The following RBPMS variants were observed in gnomAD, a reference collection of about 807,000 sequenced individuals.
The protein encoded by RBPMS is RNA-binding protein with multiple splicing.
In RBPMS, 7 loss-of-function variants were observed where a neutral mutation model predicts 26.8. The observed-to-expected ratio is 0.26, with a 90% confidence interval of 0.15 to 0.49. The LOEUF (loss-of-function observed/expected upper bound fraction) is 0.49, where lower values mean the gene tolerates loss of function less well. RBPMS is among the 20% of genes least tolerant of loss of function. The pLI, the probability that RBPMS is intolerant of heterozygous loss-of-function variation, is 0.98. For synonymous variants in RBPMS, 96 were observed against 93.3 expected, an observed-to-expected ratio of 1.03 and a Z score of -0.17; for missense variants, 186 against 250.0, an observed-to-expected ratio of 0.74 and a Z score of 1.73.
intron 5 of RBPMS, among the ~76,000 whole-genome samples, chr8:30,507,393 C>T (rs1344094821): frequency 6.6e-6 from 1 of 152,156 alleles, no homozygotes; most frequent in Non-Finnish European, 1.5e-5. Context: ...AAGTACTAGG[C>T]AAACGTAAAG....
chr8:30,448,196 AT>A (rs1420032917), intron 1 of RBPMS, among the ~76,000 whole-genome samples: 2 of 152,248 alleles, frequency 1.3e-5, no homozygotes, highest in African/African-American at 4.8e-5. Flanking sequence ...CTTTTAGAAT[AT>A]TAGAATTTAA....
intron 5 of RBPMS, among the ~76,000 whole-genome samples, chr8:30,527,827 T>G (rs1273037353): frequency 3.3e-5 from 5 of 152,210 alleles, no homozygotes; most frequent in Non-Finnish European, 7.3e-5. Flanking sequence ...GAGATTACAG[T>G]CAGCAGTCCC....
chr8:30,500,491 C>T (rs550896161), intron 4 of RBPMS, among the ~76,000 whole-genome samples: 4 of 152,160 alleles, frequency 2.6e-5, no homozygotes, highest in South Asian at 4.2e-4. Context: ...CTAACTTTAG[C>T]GCAGAACCAT....
intron 8 of RBPMS, 68 bp downstream of exon 8, chr8:30,566,428 T>A: frequency 2.4e-6 from 1 of 417,118 alleles, no homozygotes; most frequent in Non-Finnish European, 3.2e-6. Flanking sequence ...ACTGTGGGCC[T>A]CTGGGGGTGG....
chr8:30,518,711 T>TTTTTTTTTTTTTTC (rs1554533817), intron 5 of RBPMS, among the ~76,000 whole-genome samples: 5 of 136,636 alleles, frequency 3.7e-5, no homozygotes, highest in Non-Finnish European at 6.3e-5. Flanking sequence ...TTTTTTTTTT[T>TTTTTTTTTTTTTTC]TTTTCTGAAA....
intron 6 of RBPMS, chr8:30,549,441 T>C (rs1230973243): frequency 6.9e-7 from 1 of 1,446,784 alleles, no homozygotes; most frequent in Non-Finnish European, 9.7e-7. Context: ...TTCCATTGTT[T>C]TCAGACATAA....
chr8:30,416,193 G>A (rs185325726), intron 1 of RBPMS, among the ~76,000 whole-genome samples: 4 of 152,156 alleles, frequency 2.6e-5, no homozygotes, highest in African/African-American at 9.7e-5. Context: ...AGTAGAAAAG[G>A]CTGTCCATTA....
intron 4 of RBPMS, among the ~76,000 whole-genome samples, chr8:30,502,187 C>A (rs1585680805): frequency 1.6e-5 from 2 of 126,600 alleles, no homozygotes; most frequent in South Asian, 2.5e-4. Flanking sequence ...TGATTTGGAA[C>A]ATGATGTTGA....
At chr8:30,489,071 G>A (rs13250304) in intron 4 of RBPMS, among the ~76,000 whole-genome samples, 71,554 of 151,946 alleles carry the variant, frequency 0.47, 16,944 homozygotes, top group Middle Eastern at 0.58. Flanking sequence ...TGTTAAGACA[G>A]GGTCTTGTCC....
In RBPMS at chr8:30,504,294, C is replaced by T. The variant is rs1820866519; in HGVS notation, c.255C>T (p.Arg85=). 1.2e-6 allele frequency: 2 copies of T among 1,614,066 alleles called. No individual in the cohort carries two copies. Among genetic ancestry groups the T allele is most frequent in the South Asian group, 1.1e-5 (1 of 91,092 alleles). The change falls in exon 5 of 9, where the codon CGC becomes CGT. Residue 85 remains arginine, a synonymous_variant. Transcript: ENST00000397323. ...EAAKNALNGI[R]FDPEIPQTLR... is the part of the protein sequence containing the mutation. The stretch of plus-strand genomic sequence containing the variant: ...GTTCTCTGTTTCCAAAGGGCATCCG[C>T]TTCGATCCTGAAATTCCGCAAACAC...
chr8:30,542,942 T>G (rs542730785), intron 5 of RBPMS, among the ~76,000 whole-genome samples: 60 of 152,280 alleles, frequency 3.9e-4, no homozygotes, highest in African/African-American at 1.3e-3. Context: ...GACTCTGGTG[T>G]TGTTGCTTTC....
At chr8:30,539,707 T>A (rs1157512124) in intron 5 of RBPMS, among the ~76,000 whole-genome samples, 2 of 151,478 alleles carry the variant, frequency 1.3e-5, no homozygotes, top group Admixed American at 6.6e-5. Flanking sequence ...CTCACTGCAA[T>A]CTGCACCTCC....
chr8:30,556,100 G>C, intron 6 of RBPMS: 1 of 985,390 alleles, frequency 1.0e-6, no homozygotes, highest in African/African-American at 1.7e-5. Flanking sequence ...GATGCGGTGA[G>C]AAGAGCCCCC....
At chr8:30,449,241 T>A (rs4537262) in intron 1 of RBPMS, among the ~76,000 whole-genome samples, 121,843 of 152,214 alleles carry the variant, frequency 0.8, 49,182 homozygotes, top group African/African-American at 0.91. Flanking sequence ...TGTTTTTGTT[T>A]AAGTAGTAGG....
chr8:30,507,879 C>T (rs1336174881), intron 5 of RBPMS, among the ~76,000 whole-genome samples: 2 of 152,132 alleles, frequency 1.3e-5, no homozygotes, highest in Non-Finnish European at 2.9e-5. Flanking sequence ...TGAATTATCT[C>T]ATTTCATTCT....
intron 4 of RBPMS, among the ~76,000 whole-genome samples, chr8:30,484,895 TC>T (rs1818630939): frequency 6.6e-6 from 1 of 152,242 alleles, no homozygotes; most frequent in African/African-American, 2.4e-5. Flanking sequence ...GTTTGAGCTT[TC>T]CAACTACCAA....
chr8:30,542,613 A>G (rs561910443), intron 5 of RBPMS, among the ~76,000 whole-genome samples: 2 of 152,236 alleles, frequency 1.3e-5, no homozygotes, highest in Non-Finnish European at 2.9e-5. Context: ...ACAGACAAGC[A>G]TGGGCCACAG....
chr8:30,425,215 T>A (rs775044631), intron 1 of RBPMS, among the ~76,000 whole-genome samples: 109 of 152,006 alleles, frequency 7.2e-4, no homozygotes, highest in Non-Finnish European at 1.3e-3. Flanking sequence ...CCTTGGCCTC[T>A]CACTCAAAGT....
chr8:30,385,874 A>C (rs1807013091), intron 1 of RBPMS, among the ~76,000 whole-genome samples: 1 of 152,090 alleles, frequency 6.6e-6, no homozygotes, highest in African/African-American at 2.4e-5. Context: ...ATCATGATGA[A>C]AGTTTTGTGA....
Sources: allele counts gnomAD v4.1 joint callset (sites outside exome capture counted in the v4.1 genomes callset), GRCh38; gene constraint gnomAD v4.1.1; transcripts MANE v1.5; gene names NCBI Gene and HGNC (gene_info 2026-07-23, HGNC 2026-07-21).